Variants in ARHGAP22 observed in about 807,000 individuals in gnomAD.
The protein encoded by ARHGAP22 is rho GTPase-activating protein 22.
Under a neutral mutation model 59.1 loss-of-function variants are expected in ARHGAP22, and 48 were observed. The ratio of observed to expected loss-of-function variants is 0.81; its 90% CI spans 0.64 to 1.03. The LOEUF is 1.03. ARHGAP22 is among the 50% of genes least tolerant of loss of function. ARHGAP22 has a pLI of 0.00. For missense variants in ARHGAP22, 1,015 were observed against 958.7 expected (o/e 1.06, Z -0.78); for synonymous variants, 445 against 416.4 (o/e 1.07, Z -0.84).
At chr10:48,585,105 A>G (rs2059350677) in intron 1 of ARHGAP22, among the ~76,000 whole-genome samples, 1 of 152,134 alleles carries the variant, frequency 6.6e-6, no homozygotes, top group African/African-American at 2.4e-5. Context: ...CAGGGCTTGG[A>G]ACATGTCCAG....
intron 5 of ARHGAP22, among the ~76,000 whole-genome samples, chr10:48,457,788 T>C (rs1386376540): frequency 4.0e-5 from 6 of 151,604 alleles, no homozygotes; most frequent in Non-Finnish European, 7.4e-5. Context: ...AGCAGGAAAG[T>C]GAGGAGGGGG....
At chr10:48,573,336 G>T (rs1375267892) in intron 2 of ARHGAP22, among the ~76,000 whole-genome samples, 3 of 152,196 alleles carry the variant, frequency 2.0e-5, no homozygotes, top group African/African-American at 7.2e-5. Flanking sequence ...GGAAACTGAG[G>T]CTCAGAGAGT....
chr10:48,447,541 TC>T (rs2045485598), intron 9 of ARHGAP22, among the ~76,000 whole-genome samples: 4 of 152,244 alleles, frequency 2.6e-5, no homozygotes, highest in African/African-American at 9.6e-5. Flanking sequence ...GCCTCCATCC[TC>T]ATCACTGAGC....
intron 1 of ARHGAP22, among the ~76,000 whole-genome samples, chr10:48,615,654 G>A (rs1359865366): frequency 3.9e-5 from 6 of 152,080 alleles, no homozygotes; most frequent in Admixed American, 6.5e-5. Context: ...CCATAATGGA[G>A]CTCAGATATT....
intron 3 of ARHGAP22, among the ~76,000 whole-genome samples, chr10:48,523,456 C>T (rs1293287648): frequency 6.6e-6 from 1 of 152,246 alleles, no homozygotes; most frequent in African/African-American, 2.4e-5. Flanking sequence ...CGCCAACGTC[C>T]TAAGCGTGTT....
the ARHGAP22 span, chr10:48,436,259 C>G: frequency 6.6e-6 from 1 of 152,130 alleles, no homozygotes; most frequent in African/African-American, 2.4e-5. Context: ...TAGTCTAAGT[C>G]TTTTATTTTT....
At chr10:48,609,114 T>C (rs1424331366), upstream of ARHGAP22, among the ~76,000 whole-genome samples, 2 of 152,188 alleles carry the variant, frequency 1.3e-5, no homozygotes, top group African/African-American at 4.8e-5. Context: ...TTGTTTTGTT[T>C]TTCTTCTACA....
chr10:48,480,287 A>C (rs948732791), intron 3 of ARHGAP22, among the ~76,000 whole-genome samples: 2 of 152,164 alleles, frequency 1.3e-5, no homozygotes, highest in African/African-American at 2.4e-5. Context: ...AGAATTCTCC[A>C]CCACACCCAT....
chr10:48,533,685 G>A (rs1445683491), intron 3 of ARHGAP22, among the ~76,000 whole-genome samples: 1 of 152,218 alleles, frequency 6.6e-6, no homozygotes, highest in Non-Finnish European at 1.5e-5. Flanking sequence ...ATTGTGGTGT[G>A]AAATCAACCA....
chr10:48,544,694 G>A (rs61348517), intron 3 of ARHGAP22, among the ~76,000 whole-genome samples: 2,214 of 152,236 alleles, frequency 0.015, 59 homozygotes, highest in African/African-American at 0.051. Context: ...TCTAAATGCC[G>A]ATCAAAGATG....
chr10:48,581,306 T>C (rs77845487), intron 2 of ARHGAP22, among the ~76,000 whole-genome samples: 10 of 152,390 alleles, frequency 6.6e-5, no homozygotes, highest in Non-Finnish European at 1.2e-4. Context: ...CTTTATGTTC[T>C]CTGGAACACA....
At chr10:48,517,999 G>A (rs1036296845) in intron 3 of ARHGAP22, among the ~76,000 whole-genome samples, 5 of 152,170 alleles carry the variant, frequency 3.3e-5, no homozygotes, top group Admixed American at 2.6e-4. Flanking sequence ...AGAGGTGTGA[G>A]GGGGAGGCCT....
At chr10:48,498,596 G>A (rs7898936) in intron 3 of ARHGAP22, among the ~76,000 whole-genome samples, 35,634 of 152,010 alleles carry the variant, frequency 0.23, 7,265 homozygotes, top group East Asian at 0.59. Context: ...TCTCATACCC[G>A]CTCTGCACAC....
At chr10:48,582,923 C>A (rs757863638) in intron 2 of ARHGAP22, 30 bp downstream of exon 2, 2 of 1,611,346 alleles carry the variant, frequency 1.2e-6, no homozygotes, top group Middle Eastern at 1.7e-4. Flanking sequence ...TGCCACGATG[C>A]CCACGGCACA....
At chr10:48,552,103 G>A (rs905981425) in intron 3 of ARHGAP22, among the ~76,000 whole-genome samples, 22 of 152,206 alleles carry the variant, frequency 1.4e-4, no homozygotes, top group Non-Finnish European at 2.2e-4. Flanking sequence ...TTTTTATACC[G>A]TTGAATTGCA....
chr10:48,639,886 C>T (rs1250471627), intron 1 of ARHGAP22, among the ~76,000 whole-genome samples: 3 of 151,540 alleles, frequency 2.0e-5, no homozygotes, highest in African/African-American at 4.8e-5. Context: ...TTGAGTATTG[C>T]CAGATTTTGG....
At chr10:48,439,345 T>C in the ARHGAP22 span, 6 of 151,158 alleles carry the variant, frequency 4.0e-5, 1 homozygote, top group Admixed American at 4.0e-4. Flanking sequence ...AAAAAAGTGG[T>C]ATGAAAATTA....
chr10:48,447,995 A>C (rs1179831482), intron 9 of ARHGAP22, among the ~76,000 whole-genome samples: 1 of 110,956 alleles, frequency 9.0e-6, no homozygotes. Context: ...AGACCCCCAC[A>C]CCTCCTAACT....
At chr10:48,480,586 C>G (rs552980700) in intron 3 of ARHGAP22, among the ~76,000 whole-genome samples, 16 of 152,200 alleles carry the variant, frequency 1.1e-4, no homozygotes, top group African/African-American at 3.9e-4. Flanking sequence ...GCCCAAGCCA[C>G]GCTTTGCTGG....
Sources: gnomAD v4.1 joint callset for allele counts (sites outside exome capture counted in the v4.1 genomes callset) on GRCh38, gnomAD v4.1.1 for gene constraint, MANE v1.5 for transcripts, NCBI Gene and HGNC (gene_info 2026-07-23, HGNC 2026-07-21) for gene names.